The following CALN1 variants were observed in gnomAD, a reference collection of about 807,000 sequenced individuals.
CALN1 encodes the protein calneuron 1.
A neutral mutation model predicts 30.6 loss-of-function variants in CALN1; 17 were observed. That is an observed-to-expected ratio of 0.56 (90% CI 0.38 to 0.83). CALN1 has a LOEUF of 0.83. Among genes scored for constraint, CALN1 ranks in the 40% least tolerant of loss-of-function variants. The pLI, the probability that CALN1 is intolerant of heterozygous loss-of-function variation, is 0.00. For missense variants in CALN1, 291 were observed against 354.9 expected, an observed-to-expected ratio of 0.82 and a Z score of 1.45; for synonymous variants, 156 against 131.4, an observed-to-expected ratio of 1.19 and a Z score of -1.28.
At position 72,165,325 on chromosome 7, in the gene CALN1, G is replaced by A. The variant is rs569430512; in HGVS notation, c.245-59031C>T. Among the ~76,000 whole-genome samples, 13 of 152,218 alleles carry A rather than the reference G, an allele frequency of 8.5e-5. No individual in the cohort carries two copies. The South Asian group carries it at 1.9e-3, about 22-fold the overall frequency. On this transcript the variant is annotated intron_variant, in intron 3 of 6. Coordinates refer to ENST00000395275, the MANE Select transcript of CALN1 (RefSeq NM_031468.4). ...TGTAATCTCAGCACTTTGAGAAGCC[G>A]AGGCGGGCAGATCAAGTTGAGGTCA...
chr7:71,920,432 T>G lies in CALN1; in HGVS notation c.501+103225A>C, dbSNP rs563038483. Among the ~76,000 whole-genome samples the G allele has an allele frequency of 1.4e-4, 21 of 149,596 alleles. No homozygotes were observed. In the South Asian group the frequency reaches 4.5e-3, roughly 32 times the overall value. On this transcript the variant is annotated intron_variant, in intron 5 of 6. Coordinates refer to ENST00000395275, the MANE Select transcript of CALN1 (RefSeq NM_031468.4). Reference sequence around the variant, plus strand: ...CTCACTGCAAGCTCTGCCTCCCAGATTCACACCATTCTCTCGCCTCAGCTT... The same window carrying G: ...CTCACTGCAAGCTCTGCCTCCCAGAGTCACACCATTCTCTCGCCTCAGCTT...
intron 5 of CALN1, among the ~76,000 whole-genome samples, chr7:72,020,284 T>G (rs946303550): frequency 9.9e-5 from 15 of 152,114 alleles, no homozygotes; most frequent in Non-Finnish European, 1.8e-4. Flanking sequence ...CCTTTCTGCT[T>G]CTTTTTTGTA....
At chr7:72,050,071 G>A (rs112359407) in intron 4 of CALN1, among the ~76,000 whole-genome samples, 4 of 151,544 alleles carry the variant, frequency 2.6e-5, no homozygotes, top group East Asian at 3.9e-4. Flanking sequence ...CTCCTGCCTC[G>A]GCCTCCCAAA....
chr7:72,327,707 C>G lies in CALN1; in HGVS notation c.120-48897G>C, dbSNP rs1049040699. On this transcript the variant is annotated intron_variant, in intron 2 of 6. Transcript: ENST00000395275. ...TGGGATCCAATGATGTTTGGGAAAGCAATAATGTTTAAATGTTCAGAAATA... is the reference window on the plus strand; with the variant it reads ...TGGGATCCAATGATGTTTGGGAAAGGAATAATGTTTAAATGTTCAGAAATA... 2.0e-5 allele frequency among the ~76,000 whole-genome samples: 3 copies of G among 152,122 alleles called. No individual in the cohort carries two copies. The East Asian group carries it at 5.8e-4, about 29-fold the overall frequency.
Position 72,345,080 on chromosome 7 carries a change from A to G in CALN1, c.119+58171T>C, listed in dbSNP as rs201700402. ...ACTGTTATATTCATGCATGTTATGT[A>G]TAATTATACATGTTATATAATTATG... On this transcript the variant is annotated intron_variant, in intron 2 of 6. Coordinates refer to ENST00000395275, the MANE Select transcript of CALN1 (RefSeq NM_031468.4). Among the ~76,000 whole-genome samples, 31 of 148,648 alleles carry G rather than the reference A, an allele frequency of 2.1e-4. No individual in the cohort carries two copies. In the East Asian group the frequency reaches 5.4e-3, roughly 26 times the overall value.
chr7:71,964,158 G>GAAAT (rs781105978), intron 5 of CALN1, among the ~76,000 whole-genome samples: 8 of 152,208 alleles, frequency 5.3e-5, no homozygotes, highest in Non-Finnish European at 8.8e-5. Context: ...GATGGACACT[G>GAAAT]AAATGGGAGT....
chr7:72,341,546 A>T (rs1358236611), intron 2 of CALN1, among the ~76,000 whole-genome samples: 1 of 128,548 alleles, frequency 7.8e-6, no homozygotes, highest in Admixed American at 8.3e-5. Flanking sequence ...ACAGACAAAC[A>T]AACAAATGCC....
At chr7:71,820,665 G>A (rs912947831) in intron 5 of CALN1, among the ~76,000 whole-genome samples, 22 of 152,064 alleles carry the variant, frequency 1.4e-4, no homozygotes, top group African/African-American at 5.1e-4. Context: ...TGAATCATAC[G>A]GTAATTCTAT....
At chr7:72,500,172 A>G in the CALN1 span, among the ~76,000 whole-genome samples, 5 of 149,172 alleles carry the variant, frequency 3.4e-5, no homozygotes, top group Admixed American at 3.4e-4. Context: ...CCAGCCTCCC[A>G]AAGTGCTGGG....
At chr7:72,448,894 C>T (rs1467532325), upstream of CALN1, among the ~76,000 whole-genome samples, 9 of 152,260 alleles carry the variant, frequency 5.9e-5, no homozygotes, top group Non-Finnish European at 1.0e-4. Flanking sequence ...CGTGAGCCAC[C>T]GCACCCGGCC....
At chr7:72,463,407 T>C in the CALN1 span, among the ~76,000 whole-genome samples, 56 of 152,264 alleles carry the variant, frequency 3.7e-4, no homozygotes, top group African/African-American at 1.3e-3. Flanking sequence ...CCTCCCAAAG[T>C]GTTGGGATTA....
At chr7:72,224,724 T>C (rs1227642940) in intron 3 of CALN1, among the ~76,000 whole-genome samples, 1 of 150,126 alleles carries the variant, frequency 6.7e-6, no homozygotes, top group Admixed American at 6.7e-5. Flanking sequence ...GAGGTTGCAA[T>C]AAGCCAAGAT....
the CALN1 span, among the ~76,000 whole-genome samples, chr7:72,462,848 T>C: frequency 6.6e-6 from 1 of 152,230 alleles, no homozygotes; most frequent in African/African-American, 2.4e-5. Flanking sequence ...TACTTTCCTC[T>C]AGCCAGACCA....
chr7:71,887,874 T>G (rs909465568), intron 5 of CALN1, among the ~76,000 whole-genome samples: 3 of 151,444 alleles, frequency 2.0e-5, no homozygotes, highest in African/African-American at 7.3e-5. Flanking sequence ...CTACCGAGAA[T>G]GTGTGTGCAA....
chr7:72,131,605 T>C (rs1273194218), intron 3 of CALN1, among the ~76,000 whole-genome samples: 1 of 152,194 alleles, frequency 6.6e-6, no homozygotes, highest in Non-Finnish European at 1.5e-5. Flanking sequence ...CATGGGCAAA[T>C]TCTGGATCTT....
At chr7:72,355,251 C>T (rs889655311) in intron 2 of CALN1, among the ~76,000 whole-genome samples, 17 of 152,172 alleles carry the variant, frequency 1.1e-4, no homozygotes, top group African/African-American at 3.9e-4. Context: ...ATTGGCCGGC[C>T]GCTGTGGCTA....
At chr7:72,086,399 A>G (rs1805484201) in intron 4 of CALN1, among the ~76,000 whole-genome samples, 2 of 152,130 alleles carry the variant, frequency 1.3e-5, no homozygotes, top group Admixed American at 1.3e-4. Context: ...ATGGAAAGAA[A>G]ATGAAATGGA....
At chr7:72,378,682 G>A (rs968033143) in intron 2 of CALN1, among the ~76,000 whole-genome samples, 3 of 51,570 alleles carry the variant, frequency 5.8e-5, no homozygotes, top group African/African-American at 1.9e-4. Context: ...ATTTCCATCT[G>A]CCAAGTTTTT....
chr7:72,223,340 A>T (rs1329746652), intron 3 of CALN1, among the ~76,000 whole-genome samples: 6 of 152,144 alleles, frequency 3.9e-5, no homozygotes. Flanking sequence ...GGAAAATACA[A>T]AGGAAACATC....
Sources: allele counts gnomAD v4.1 joint callset (sites outside exome capture counted in the v4.1 genomes callset), GRCh38; gene constraint gnomAD v4.1.1; transcripts MANE v1.5; gene names NCBI Gene and HGNC (gene_info 2026-07-23, HGNC 2026-07-21).